HS3ST4: variants seen among roughly 807,000 people sequenced by gnomAD.
HS3ST4 encodes heparan sulfate glucosamine 3-O-sulfotransferase 4.
In HS3ST4, 17 loss-of-function variants were observed where a neutral mutation model predicts 29.2. The ratio of observed to expected loss-of-function variants is 0.58; its 90% CI spans 0.40 to 0.87. HS3ST4 has a LOEUF of 0.87. Among genes scored for constraint, HS3ST4 ranks in the 40% least tolerant of loss-of-function variants. HS3ST4 has a pLI of 0.00. For synonymous variants in HS3ST4, 314 were observed against 285.7 expected (o/e 1.10, Z -1.00); for missense variants, 627 against 634.5 (o/e 0.99, Z 0.13).
chr16:26,025,017 G>A (rs894299598), intron 1 of HS3ST4, among the ~76,000 whole-genome samples: 2 of 152,054 alleles, frequency 1.3e-5, no homozygotes, highest in African/African-American at 4.8e-5. Flanking sequence ...AGTTACTAAT[G>A]GGTAAAGTTC....
chr16:25,977,370 T>C (rs985176102), intron 1 of HS3ST4, among the ~76,000 whole-genome samples: 2 of 152,210 alleles, frequency 1.3e-5, no homozygotes, highest in Non-Finnish European at 2.9e-5. Context: ...CCAGTTGCAC[T>C]GAAACCCTTT....
intron 1 of HS3ST4, among the ~76,000 whole-genome samples, chr16:25,846,925 C>G (rs536943505): frequency 2.6e-5 from 4 of 151,496 alleles, no homozygotes; most frequent in Non-Finnish European, 5.9e-5. Context: ...GAATCCTATT[C>G]TTTTAATTAC....
intron 1 of HS3ST4, among the ~76,000 whole-genome samples, chr16:25,903,273 C>CGTGTGTGTGT (rs71385584): frequency 1.5e-3 from 85 of 58,406 alleles, no homozygotes; most frequent in African/African-American, 4.5e-3. Flanking sequence ...GAAGAATATA[C>CGTGTGTGTGT]GTGTGTGTGT....
chr16:25,876,565 G>T (rs1967835028), intron 1 of HS3ST4, among the ~76,000 whole-genome samples: 1 of 152,044 alleles, frequency 6.6e-6, no homozygotes, highest in African/African-American at 2.4e-5. Context: ...CCAAGCAACT[G>T]TCCCCTCATC....
intron 1 of HS3ST4, among the ~76,000 whole-genome samples, chr16:25,785,473 A>G (rs1352465796): frequency 6.6e-6 from 1 of 152,230 alleles, no homozygotes; most frequent in Non-Finnish European, 1.5e-5. Context: ...TCATTCAGAA[A>G]GAATTTCATT....
At chr16:25,806,972 C>T (rs1966996385) in intron 1 of HS3ST4, among the ~76,000 whole-genome samples, 1 of 151,942 alleles carries the variant, frequency 6.6e-6, no homozygotes. Context: ...CCTTTTGTTG[C>T]CTTTTTTGTT....
chr16:25,857,952 C>CTTTCTTTCTTTCTTTATTTATTTA (rs1567257178), intron 1 of HS3ST4, among the ~76,000 whole-genome samples: 1 of 53,858 alleles, frequency 1.9e-5, no homozygotes, highest in Non-Finnish European at 3.4e-5. Context: ...TTCTTTCTTT[C>CTTTCTTTCTTTCTTTATTTATTTA]TTTCTTTCTT....
chr16:26,033,075 A>C (rs998150723), intron 1 of HS3ST4, among the ~76,000 whole-genome samples: 9 of 152,136 alleles, frequency 5.9e-5, no homozygotes, highest in African/African-American at 2.2e-4. Context: ...AGACTGCGAA[A>C]TTAAGTGGAA....
intron 1 of HS3ST4, among the ~76,000 whole-genome samples, chr16:26,017,330 T>C (rs746002274): frequency 2.0e-4 from 31 of 152,182 alleles, no homozygotes; most frequent in Non-Finnish European, 3.5e-4. Flanking sequence ...TGTGATAACT[T>C]TGGAGGCAGG....
chr16:25,778,621 C>T (rs779149537), intron 1 of HS3ST4, among the ~76,000 whole-genome samples: 25 of 152,078 alleles, frequency 1.6e-4, no homozygotes, highest in Admixed American at 1.2e-3. Flanking sequence ...GAGCAGCTGA[C>T]CCTTTATAAT....
chr16:25,856,547 C>T (rs1967575667), intron 1 of HS3ST4, among the ~76,000 whole-genome samples: 1 of 152,110 alleles, frequency 6.6e-6, no homozygotes, highest in African/African-American at 2.4e-5. Context: ...AGCTTTACAC[C>T]AGCGGTGTCC....
intron 1 of HS3ST4, among the ~76,000 whole-genome samples, chr16:25,916,462 A>G (rs1291756239): frequency 6.6e-6 from 1 of 152,006 alleles, no homozygotes; most frequent in Non-Finnish European, 1.5e-5. Flanking sequence ...TTCTGGGTTC[A>G]AGCAATTCTC....
chr16:25,819,684 G>A (rs559326688), intron 1 of HS3ST4, among the ~76,000 whole-genome samples: 1 of 152,230 alleles, frequency 6.6e-6, no homozygotes, highest in East Asian at 1.9e-4. Flanking sequence ...TAGCGGGAGG[G>A]ATATTTTCCA....
At chr16:25,935,810 A>G in intron 1 of HS3ST4, among the ~76,000 whole-genome samples, 1 of 152,212 alleles carries the variant, frequency 6.6e-6, no homozygotes, top group East Asian at 1.9e-4. Context: ...GACTTTTTAA[A>G]AAGATAGACA....
At chr16:26,093,532 A>G (rs9931229) in intron 1 of HS3ST4, among the ~76,000 whole-genome samples, 82,104 of 152,006 alleles carry the variant, frequency 0.54, 22,917 homozygotes, top group African/African-American at 0.67. Flanking sequence ...TGACTGTTAG[A>G]AGGAAAACTA....
chr16:25,710,599 C>T (rs918016960), intron 1 of HS3ST4, among the ~76,000 whole-genome samples: 2 of 152,018 alleles, frequency 1.3e-5, no homozygotes, highest in Non-Finnish European at 2.9e-5. Flanking sequence ...TCCTATTGCT[C>T]ATCCAGTCGC....
chr16:25,826,541 G>A (rs1967217605), intron 1 of HS3ST4, among the ~76,000 whole-genome samples: 1 of 152,040 alleles, frequency 6.6e-6, no homozygotes, highest in Non-Finnish European at 1.5e-5. Context: ...AGGATATCAA[G>A]GAAATCAAGG....
Position 25,692,392 on chromosome 16 carries a change from G to GAGC in HS3ST4, c.-26_-25insAGC. On this transcript the variant is annotated 5_prime_UTR_variant, in exon 1 of 2. Coordinates refer to ENST00000331351, the MANE Select transcript of HS3ST4 (RefSeq NM_006040.3). The stretch of plus-strand genomic sequence containing the variant: ...AGCGCCGGGGGCTGCCGCCGCCGCC[G>GAGC]CCGCCGCCGCGAGCCGGGAGCCGCG... 1 of 761,314 alleles carries GAGC rather than the reference G, an allele frequency of 1.3e-6. No homozygotes were observed. Among genetic ancestry groups the GAGC allele is most frequent in the Non-Finnish European group, 1.6e-6 (1 of 621,032 alleles). 47.2% of individuals were successfully genotyped at this position (761,314 alleles called of 1,614,324 possible).
At chr16:25,958,490 C>T (rs1345393794) in intron 1 of HS3ST4, among the ~76,000 whole-genome samples, 3 of 152,012 alleles carry the variant, frequency 2.0e-5, no homozygotes, top group African/African-American at 7.3e-5. Flanking sequence ...ACCACCACAC[C>T]CGGCTAATTT....
Sources: allele counts gnomAD v4.1 joint callset (sites outside exome capture counted in the v4.1 genomes callset), GRCh38; gene constraint gnomAD v4.1.1; transcripts MANE v1.5; gene names NCBI Gene and HGNC (gene_info 2026-07-23, HGNC 2026-07-21).